Variants in SLC7A6OS observed in about 807,000 individuals in gnomAD.
The protein encoded by SLC7A6OS is probable RNA polymerase II nuclear localization protein SLC7A6OS.
Under a neutral mutation model 34.3 loss-of-function variants are expected in SLC7A6OS, and 22 were observed. The observed-to-expected ratio is 0.64, with a 90% CI of 0.46 to 0.92. The LOEUF (loss-of-function observed/expected upper bound fraction) is 0.92. SLC7A6OS is among the 40% of genes least tolerant of loss of function. The pLI is 0.00. For missense variants in SLC7A6OS, 434 were observed against 407.7 expected, an observed-to-expected ratio of 1.06 and a Z score of -0.56; for synonymous variants, 199 against 165.0, an observed-to-expected ratio of 1.21 and a Z score of -1.58.
At position 68,307,309 on chromosome 16, in the gene SLC7A6OS, T is replaced by C. The variant is rs375654764; in HGVS notation, c.471+3026A>G. Among the ~76,000 whole-genome samples, 45 of 152,354 alleles carry C rather than the reference T, an allele frequency of 3.0e-4. No individual in the cohort carries two copies. In the South Asian group the frequency reaches 9.1e-3, roughly 31 times the overall value. ...GTCAATCAACAGTAGCATTTGTTAA[T>C]ATCATAGCTTAGCTTAGCTGTTTGC... On this transcript the variant is annotated intron_variant, in intron 2 of 4. Coordinates refer to ENST00000263997, the MANE Select transcript of SLC7A6OS (RefSeq NM_032178.3).
intron 3 of SLC7A6OS, 128 bp from the exon 4 acceptor site, chr16:68,302,629 T>A: frequency 2.0e-6 from 2 of 1,015,210 alleles, no homozygotes; most frequent in Admixed American, 1.8e-5. Flanking sequence ...TGCAGACTAG[T>A]AGTTTGACTC....
intron 2 of SLC7A6OS, among the ~76,000 whole-genome samples, chr16:68,308,531 G>T (rs895988945): frequency 6.6e-6 from 1 of 151,884 alleles, no homozygotes; most frequent in African/African-American, 2.4e-5. Flanking sequence ...CGAGGCTGAG[G>T]CATGAGAACT....
chr16:68,304,230 T>C lies in SLC7A6OS; in HGVS notation c.474A>G (p.Thr158=). 1.2e-6 allele frequency: 2 copies of C among 1,614,096 alleles called. No homozygotes were observed. Among genetic ancestry groups the C allele is most frequent in the Non-Finnish European group, 1.7e-6 (2 of 1,179,936 alleles). The stretch of plus-strand genomic sequence containing the variant: ...TGCAGAGGATCACATCTGGGTCAGA[T>C]GTCTGTAAAGAAACCACAGATTACA... ...PEAASAGSCK[T]SDPDVILCNS... Residue 158 remains threonine (T), a splice_region_variant and synonymous_variant, in exon 3 of 5, where the codon ACA becomes ACG. Coordinates refer to ENST00000263997, the MANE Select transcript of SLC7A6OS (RefSeq NM_032178.3).
At chr16:68,306,072 T>C (rs1478131005) in intron 2 of SLC7A6OS, among the ~76,000 whole-genome samples, 3 of 152,004 alleles carry the variant, frequency 2.0e-5, no homozygotes, top group South Asian at 4.1e-4. Flanking sequence ...GGTACAAGAC[T>C]AGCAATACAG....
At chr16:68,305,170 G>C (rs1429548828) in intron 2 of SLC7A6OS, among the ~76,000 whole-genome samples, 2 of 152,168 alleles carry the variant, frequency 1.3e-5, no homozygotes, top group South Asian at 2.1e-4. Flanking sequence ...TCTCTCTTTG[G>C]GGATCAGTAG....
Position 68,300,609 on chromosome 16 carries a change from ACTTT to A in SLC7A6OS, c.*662_*665del. 1 of 984,382 alleles carries A rather than the reference ACTTT, an allele frequency of 1.0e-6. No individual in the cohort carries two copies. The highest frequency in any genetic ancestry group is 1.2e-6 in the Non-Finnish European group (1 of 828,966). The allele number at this position is 984,382 out of a possible 1,614,324, so 61.0% of individuals were successfully genotyped here. A position where few individuals can be genotyped will look rare whatever the true frequency, so the allele number is the denominator to read the frequency against. On this transcript the variant is annotated 3_prime_UTR_variant, in exon 5 of 5. Coordinates refer to ENST00000263997, the MANE Select transcript of SLC7A6OS (RefSeq NM_032178.3). Reference sequence around the variant, plus strand: ...AGATTTAAAAGGTTTTCAAAGAATTACTTTCTTCCATGTTCAAAGCTAGATTTTA... The same window carrying A: ...AGATTTAAAAGGTTTTCAAAGAATTACTTCCATGTTCAAAGCTAGATTTTA...
At chr16:68,304,826 A>C (rs1351336653) in intron 2 of SLC7A6OS, among the ~76,000 whole-genome samples, 2 of 152,174 alleles carry the variant, frequency 1.3e-5, no homozygotes, top group East Asian at 3.8e-4. Context: ...CAAGGTGGAC[A>C]GCTTGCTTGA....
intron 4 of SLC7A6OS, chr16:68,302,031 G>A (rs934914388): frequency 2.3e-5 from 5 of 215,654 alleles, no homozygotes; most frequent in Non-Finnish European, 4.6e-5. Flanking sequence ...ACTGGGGCAG[G>A]GGAAGAGACA....
Position 68,304,176 on chromosome 16 carries a change from C to T in SLC7A6OS, c.528G>A (p.Leu176=). The stretch of plus-strand genomic sequence containing the variant: ...CTCCTGGTCCATCCTCAGACACAGT[C>T]AATCGCTCACGGATCAACTCTACAG... The part of the protein sequence containing the change: ...CNSVELIRER[L]TVSEDGPGVR... Residue 176 remains leucine (L), a synonymous_variant, in exon 3 of 5, where the codon TTG becomes TTA. Coordinates refer to ENST00000263997, the MANE Select transcript of SLC7A6OS (RefSeq NM_032178.3). 1 of 1,614,202 alleles carries T rather than the reference C, an allele frequency of 6.2e-7. No individual in the cohort carries two copies. Among genetic ancestry groups the T allele is most frequent in the Non-Finnish European group, 8.5e-7 (1 of 1,180,048 alleles).
intron 3 of SLC7A6OS, 163 bp downstream of exon 3, chr16:68,303,863 A>G (rs2043306541): frequency 1.6e-6 from 1 of 622,852 alleles, no homozygotes. Context: ...CCTGTACTAT[A>G]AAGTCAGGTT....
At chr16:68,306,543 A>G (rs1165872455) in intron 2 of SLC7A6OS, among the ~76,000 whole-genome samples, 3 of 151,922 alleles carry the variant, frequency 2.0e-5, no homozygotes, top group African/African-American at 7.3e-5. Flanking sequence ...GGCGGTTTTC[A>G]TTATGTTGCC....
chr16:68,310,919 G>A lies in SLC7A6OS; in HGVS notation c.8C>T (p.Ala3Val), dbSNP rs1453703874. ...CACCCGGAGTACAGCGGTCCTGGCG[G>A]CCTCCATAGTGGCTGCCGCTGAGCA... Reference protein sequence around the residue: MEAARTAVLRVKR... With the variant: MEVARTAVLRVKR... Residue 3 changes from alanine (A) to valine (V), a missense_variant, in exon 1 of 5, where the codon GCC (alanine) becomes GTC (valine). By Grantham distance (64) the Ala-to-Val change is moderately conservative. Transcript: ENST00000263997. 3.2e-6 allele frequency: 5 copies of A among 1,582,310 alleles called. No homozygotes were observed. Among genetic ancestry groups the A allele is most frequent in the South Asian group, 1.1e-5 (1 of 88,728 alleles).
intron 1 of SLC7A6OS, 32 bp downstream of exon 1, chr16:68,310,703 G>A (rs767639779): frequency 3.8e-6 from 6 of 1,586,010 alleles, no homozygotes; most frequent in African/African-American, 1.3e-5. Context: ...ACCCGAAGAT[G>A]CCCTCCACAC....
Position 68,301,332 on chromosome 16 carries a change from A to T in SLC7A6OS, c.873T>A (p.Pro291=), listed in dbSNP as rs761649390. The T allele has an allele frequency of 3.0e-5, 49 of 1,614,020 alleles. No homozygotes were observed. The highest frequency in any genetic ancestry group is 4.1e-5 in the Non-Finnish European group (48 of 1,180,024). The change falls in exon 5 of 5, where the codon CCT becomes CCA. Residue 291 remains proline, a synonymous_variant. Transcript: ENST00000263997. ...SSRQRMWSKY[P]LDVQKEFGYD... ...AGCCGAACTCCTTCTGCACATCCAG[A>T]GGGTACTTGCTCCACATCCGCTGTC...
chr16:68,298,593 G>T lies in SLC7A6OS; in HGVS notation c.*2682C>A, dbSNP rs1277787913. 6.6e-6 allele frequency: 1 copy of T among 152,312 alleles called. No homozygotes were observed. Among genetic ancestry groups the T allele is most frequent in the Admixed American group, 6.5e-5 (1 of 15,292 alleles). 9.4% of individuals were successfully genotyped at this position (152,312 alleles called of 1,614,324 possible). A position where few individuals can be genotyped will look rare whatever the true frequency, so the allele number is the denominator to read the frequency against. On this transcript the variant is annotated 3_prime_UTR_variant, in exon 5 of 5. Transcript: ENST00000263997. ...CGAGGTGTGGTGGCTGCAGTCTCAG[G>T]AAGAGCTTGGTACTTGTGGGGACTT...
chr16:68,302,276 G>A (rs1415363832), intron 4 of SLC7A6OS, 105 bp downstream of exon 4: 49 of 1,387,900 alleles, frequency 3.5e-5, no homozygotes, highest in Non-Finnish European at 3.9e-5. Context: ...GGCTGCTGGC[G>A]CTCAATGACA....
rs542191772 is a variant in SLC7A6OS at position 68,300,454 on chromosome 16, G to C, written c.*821C>G. ...TTGTTTTTGTGGTGGGTGCTGTGAA[G>C]AGTAAACATTACTCAGTGGAAAGCT... is the stretch of plus-strand genomic sequence containing the variant. On this transcript the variant is annotated 3_prime_UTR_variant, in exon 5 of 5. Transcript: ENST00000263997. 1 of 206,524 alleles carries C rather than the reference G, an allele frequency of 4.8e-6. No individual in the cohort carries two copies. Among genetic ancestry groups the C allele is most frequent in the Admixed American group, 6.5e-5 (1 of 15,352 alleles). 12.8% of individuals were successfully genotyped at this position (206,524 alleles called of 1,614,324 possible). A position where few individuals can be genotyped will look rare whatever the true frequency, so the allele number is the denominator to read the frequency against.
In SLC7A6OS at chr16:68,310,814, G is replaced by A. The variant is rs777780271; in HGVS notation, c.113C>T (p.Ala38Val). Residue 38 changes from alanine (A) to valine (V), a missense_variant, in exon 1 of 5, where the codon GCG becomes GTG. Ala to Val is a moderately conservative substitution (Grantham distance 64). Coordinates refer to ENST00000263997, the MANE Select transcript of SLC7A6OS (RefSeq NM_032178.3). Reference sequence around the variant, plus strand: ...CAAACCCTCCGACGTCTTCTGTGCCGCTGACTCGACCGCGTCGCTCCGGAG... The same window carrying A: ...CAAACCCTCCGACGTCTTCTGTGCCACTGACTCGACCGCGTCGCTCCGGAG... ...KRLRSDAVES[A>V]AQKTSEGLER... The A allele has an allele frequency of 1.9e-6, 3 of 1,613,700 alleles. No individual in the cohort carries two copies. Among genetic ancestry groups the A allele is most frequent in the Non-Finnish European group, 1.7e-6 (2 of 1,179,932 alleles).
At chr16:68,304,586 T>G (rs889366614) in intron 2 of SLC7A6OS, among the ~76,000 whole-genome samples, 4 of 152,146 alleles carry the variant, frequency 2.6e-5, no homozygotes, top group Non-Finnish European at 5.9e-5. Context: ...CCTCCCAAAG[T>G]GCTGGGATTA....
Sources: allele counts gnomAD v4.1 joint callset (sites outside exome capture counted in the v4.1 genomes callset), GRCh38; gene constraint gnomAD v4.1.1; transcripts MANE v1.5; gene names NCBI Gene and HGNC (gene_info 2026-07-23, HGNC 2026-07-21).